The following ARMC2 variants were observed in gnomAD, a reference collection of about 807,000 sequenced individuals.
The protein encoded by ARMC2 is armadillo repeat-containing protein 2.
A neutral mutation model predicts 90.3 loss-of-function variants in ARMC2; 67 were observed. The observed-to-expected ratio is 0.74, with a 90% CI of 0.61 to 0.91. The LOEUF (loss-of-function observed/expected upper bound fraction) is 0.91. Among genes scored for constraint, ARMC2 ranks in the 40% least tolerant of loss-of-function variants. The pLI, the probability that ARMC2 is intolerant of heterozygous loss-of-function variation, is 0.00. For missense variants in ARMC2, 920 were observed against 1,030.9 expected (o/e 0.89, Z 1.47); for synonymous variants, 393 against 393.0 (o/e 1.00, Z 0.00).
Position 108,854,519 on chromosome 6 carries a change from T to C in ARMC2, c.218+34T>C, listed in dbSNP as rs1276121004. 2.5e-6 allele frequency: 4 copies of C among 1,587,036 alleles called. No individual in the cohort carries two copies. In the South Asian group the frequency reaches 4.4e-5, roughly 18 times the overall value. ...CATTTCACATTCATGTTCATTCAGA[T>C]ATTTAAGCACCAGGTTATACCTTCC... On this transcript the variant is annotated intron_variant, in intron 2 of 17. Coordinates refer to ENST00000392644, the MANE Select transcript of ARMC2 (RefSeq NM_032131.6).
chr6:108,954,641 ACTACTAAC>A (rs1188823486), intron 13 of ARMC2, among the ~76,000 whole-genome samples: 1 of 152,098 alleles, frequency 6.6e-6, no homozygotes, highest in African/African-American at 2.4e-5. Flanking sequence ...AAAATTAGCT[ACTACTAAC>A]CATACTTGTG....
the ARMC2 span, chr6:108,994,698 C>CTT: frequency 0.015 from 4,469 of 291,304 alleles, 26 homozygotes; most frequent in African/African-American, 0.025. Context: ...GAATTTATAT[C>CTT]TTTTTTTTTT....
At chr6:109,013,157 G>A in the ARMC2 span, among the ~76,000 whole-genome samples, 9 of 152,104 alleles carry the variant, frequency 5.9e-5, no homozygotes, top group East Asian at 1.9e-4. Context: ...TAAAGAATAC[G>A]GATTTCATTC....
chr6:108,983,007 G>A, the ARMC2 span, among the ~76,000 whole-genome samples: 1 of 151,044 alleles, frequency 6.6e-6, no homozygotes, highest in Non-Finnish European at 1.5e-5. Context: ...GTGTAGAGAC[G>A]GGGGTTTTCC....
At chr6:108,918,497 A>T (rs9486976) in intron 10 of ARMC2, among the ~76,000 whole-genome samples, 3,953 of 137,756 alleles carry the variant, frequency 0.029, 153 homozygotes, top group African/African-American at 0.092. Flanking sequence ...TTTTTTTTTT[A>T]AATTTCTGAG....
intron 5 of ARMC2, among the ~76,000 whole-genome samples, chr6:108,891,768 AT>A (rs1562358828): frequency 2.0e-5 from 3 of 152,110 alleles, no homozygotes; most frequent in African/African-American, 7.2e-5. Context: ...CCATTTGTCA[AT>A]TTTGGCTTTT....
intron 12 of ARMC2, among the ~76,000 whole-genome samples, chr6:108,938,930 G>C (rs542049778): frequency 2.0e-5 from 3 of 152,218 alleles, no homozygotes; most frequent in African/African-American, 7.2e-5. Context: ...AGAGATATCA[G>C]TATGGCTAAG....
intron 10 of ARMC2, among the ~76,000 whole-genome samples, chr6:108,915,814 G>A (rs147248883): frequency 8.0e-4 from 122 of 152,260 alleles, no homozygotes; most frequent in African/African-American, 2.9e-3. Context: ...TTGGAGGTGA[G>A]TGCATGGGGG....
the ARMC2 span, among the ~76,000 whole-genome samples, chr6:109,029,677 G>A: frequency 6.6e-6 from 1 of 152,058 alleles, no homozygotes. Flanking sequence ...GGTTTAACAG[G>A]TGCATGCCAC....
At chr6:108,904,519 CTT>C in intron 8 of ARMC2, 114 bp downstream of exon 8, 1 of 1,076,586 alleles carries the variant, frequency 9.3e-7, no homozygotes, top group Non-Finnish European at 1.3e-6. Context: ...TGTTTAGAAT[CTT>C]GGAAAAAAAT....
chr6:108,963,742 C>A (rs1304695249), intron 15 of ARMC2, among the ~76,000 whole-genome samples: 1 of 152,240 alleles, frequency 6.6e-6, no homozygotes, highest in Non-Finnish European at 1.5e-5. Flanking sequence ...CAGTCTGAGT[C>A]TTACACATGG....
chr6:108,965,656 T>G (rs1426107115), intron 17 of ARMC2, among the ~76,000 whole-genome samples: 1 of 152,026 alleles, frequency 6.6e-6, no homozygotes, highest in African/African-American at 2.4e-5. Context: ...TGTTTCTTTC[T>G]TTTCTTGGGA....
chr6:108,967,491 G>C (rs1334503429), intron 17 of ARMC2, among the ~76,000 whole-genome samples: 1 of 152,106 alleles, frequency 6.6e-6, no homozygotes, highest in African/African-American at 2.4e-5. Flanking sequence ...AGTGGGCCCT[G>C]CTGCCTGTTA....
the ARMC2 span, among the ~76,000 whole-genome samples, chr6:109,024,281 T>A: frequency 6.6e-6 from 1 of 152,164 alleles, no homozygotes; most frequent in East Asian, 1.9e-4. Flanking sequence ...CCATAGTAAC[T>A]TATTAGGGCA....
intron 10 of ARMC2, among the ~76,000 whole-genome samples, chr6:108,919,358 C>T (rs926268440): frequency 1.4e-4 from 21 of 152,130 alleles, no homozygotes; most frequent in Non-Finnish European, 2.9e-4. Context: ...TGCGCGACCC[C>T]ACCTATTGGA....
At chr6:109,048,716 A>G in the ARMC2 span, among the ~76,000 whole-genome samples, 1 of 152,202 alleles carries the variant, frequency 6.6e-6, no homozygotes. Context: ...ACCTAAAATA[A>G]TGCTGTTCAT....
chr6:108,986,395 TA>T, the ARMC2 span: 1 of 152,656 alleles, frequency 6.6e-6, no homozygotes, highest in African/African-American at 2.4e-5. Flanking sequence ...AAATTATTAC[TA>T]ATAGTGAAGT....
chr6:108,979,516 T>G, the ARMC2 span, among the ~76,000 whole-genome samples: 3 of 152,112 alleles, frequency 2.0e-5, no homozygotes, highest in Non-Finnish European at 4.4e-5. Context: ...CTCTCTGTAT[T>G]TCCTGAATTT....
At chr6:108,934,936 C>A (rs1583164292) in intron 11 of ARMC2, among the ~76,000 whole-genome samples, 1 of 152,182 alleles carries the variant, frequency 6.6e-6, no homozygotes, top group Admixed American at 6.5e-5. Context: ...GAATTCCTTT[C>A]ATCCTCATAA....
Sources: gnomAD v4.1 joint callset for allele counts (sites outside exome capture counted in the v4.1 genomes callset) on GRCh38, gnomAD v4.1.1 for gene constraint, MANE v1.5 for transcripts, NCBI Gene and HGNC (gene_info 2026-07-23, HGNC 2026-07-21) for gene names.